Variants in PARD3B observed in about 807,000 individuals in gnomAD.
PARD3B encodes the protein partitioning defective 3 homolog B.
In PARD3B, 103 loss-of-function variants were observed where a neutral mutation model predicts 130.2. That is an observed-to-expected ratio of 0.79 (90% CI 0.67 to 0.93). The LOEUF (loss-of-function observed/expected upper bound fraction) is 0.93, where lower values mean the gene tolerates loss of function less well. Among genes scored for constraint, PARD3B ranks in the 40% least tolerant of loss-of-function variants. The probability of loss-of-function intolerance (pLI) is 0.00; values close to 1 mark genes in which losing one functional copy is unlikely to be tolerated. For missense variants in PARD3B, 1,609 were observed against 1,499.2 expected (o/e 1.07, Z -1.21); for synonymous variants, 583 against 553.2 (o/e 1.05, Z -0.76).
chr2:205,012,051 A>G (rs78414211), intron 3 of PARD3B, among the ~76,000 whole-genome samples: 7,101 of 152,032 alleles, frequency 0.047, 219 homozygotes, highest in Middle Eastern at 0.14. Context: ...GCTTTCCCCA[A>G]TTCCTGAGCT....
At chr2:205,245,919 GA>G in intron 16 of PARD3B, 97 bp downstream of exon 16, 1 of 1,010,212 alleles carries the variant, frequency 9.9e-7, no homozygotes, top group Non-Finnish European at 1.6e-6. Flanking sequence ...ACTAGTCACT[GA>G]AAGGCTTTCT....
In PARD3B at chr2:205,541,347, G is replaced by GTTT. The variant is rs34760169; in HGVS notation, c.3181-11961_3181-11959dup. ...GAGTTTTAATGCTCACAGAAACTTT[G>GTTT]TTTTTTTTTTTTTTTTTTGAGACAG... is the stretch of plus-strand genomic sequence containing the variant. On this transcript the variant is annotated intron_variant, in intron 21 of 22. Transcript: ENST00000406610. 1.4e-3 allele frequency among the ~76,000 whole-genome samples: 177 copies of GTTT among 122,184 alleles called. 1 individual carries two copies. Among genetic ancestry groups the GTTT allele is most frequent in the African/African-American group, 3.5e-3 (115 of 33,116 alleles). 80.2% of individuals were successfully genotyped at this position (122,184 alleles called of 152,430 possible). A position where few individuals can be genotyped will look rare whatever the true frequency, so the allele number is the denominator to read the frequency against.
At chr2:204,565,868 A>G (rs1200340248) in intron 1 of PARD3B, among the ~76,000 whole-genome samples, 3 of 152,234 alleles carry the variant, frequency 2.0e-5, no homozygotes, top group Non-Finnish European at 4.4e-5. Flanking sequence ...TGACCACTGT[A>G]CTTCAGTATG....
chr2:205,528,931 G>A (rs1044270653), intron 21 of PARD3B, among the ~76,000 whole-genome samples: 2 of 152,092 alleles, frequency 1.3e-5, no homozygotes, highest in African/African-American at 4.8e-5. Flanking sequence ...TATAGGGTGA[G>A]TACCTCATTT....
At chr2:204,596,018 C>T (rs1337633024) in intron 1 of PARD3B, among the ~76,000 whole-genome samples, 1 of 152,164 alleles carries the variant, frequency 6.6e-6, no homozygotes, top group Non-Finnish European at 1.5e-5. Context: ...TTGCTGACTG[C>T]TGGGTGTAAA....
chr2:205,442,354 A>G (rs910854340), intron 20 of PARD3B, among the ~76,000 whole-genome samples: 2 of 127,346 alleles, frequency 1.6e-5, no homozygotes, highest in Admixed American at 1.0e-4. Flanking sequence ...GCTGGAGTGC[A>G]GTGGTACGAT....
At chr2:204,548,214 T>G (rs2125039078) in intron 1 of PARD3B, among the ~76,000 whole-genome samples, 1 of 152,344 alleles carries the variant, frequency 6.6e-6, no homozygotes. Context: ...TTTATTCATT[T>G]TTTTTAAATG....
intron 1 of PARD3B, among the ~76,000 whole-genome samples, chr2:204,611,232 G>A (rs1303252630): frequency 6.6e-6 from 1 of 152,206 alleles, no homozygotes; most frequent in Non-Finnish European, 1.5e-5. Context: ...GAAGCAGCTA[G>A]TGTCATTCCG....
chr2:205,027,547 G>T (rs1004466028), intron 3 of PARD3B, among the ~76,000 whole-genome samples: 1 of 151,202 alleles, frequency 6.6e-6, no homozygotes, highest in Non-Finnish European at 1.5e-5. Flanking sequence ...TTCCTTTGCT[G>T]TGCAGAAGCT....
At chr2:205,514,420 T>TATC (rs549321215) in intron 21 of PARD3B, among the ~76,000 whole-genome samples, 1 of 152,296 alleles carries the variant, frequency 6.6e-6, no homozygotes, top group African/African-American at 2.4e-5. Flanking sequence ...TTAAGTTTCA[T>TATC]ATCTGCTTAT....
At chr2:204,548,820 C>T (rs1025736682) in intron 1 of PARD3B, among the ~76,000 whole-genome samples, 7 of 152,082 alleles carry the variant, frequency 4.6e-5, no homozygotes, top group African/African-American at 1.7e-4. Context: ...AGTCTAACTA[C>T]AAATGGGAAA....
chr2:204,805,260 G>C (rs184144860), intron 2 of PARD3B, among the ~76,000 whole-genome samples: 1 of 152,068 alleles, frequency 6.6e-6, no homozygotes, highest in Non-Finnish European at 1.5e-5. Flanking sequence ...GAAATTCAAA[G>C]GATCATTAGT....
At chr2:205,523,918 A>AATACTTCTTAT (rs2051214155) in intron 21 of PARD3B, among the ~76,000 whole-genome samples, 1 of 151,614 alleles carries the variant, frequency 6.6e-6, no homozygotes, top group African/African-American at 2.4e-5. Flanking sequence ...TATAAATCTA[A>AATACTTCTTAT]ATACTTCTTA....
chr2:204,695,207 T>C (rs981215523), intron 2 of PARD3B, among the ~76,000 whole-genome samples: 1 of 152,022 alleles, frequency 6.6e-6, no homozygotes, highest in African/African-American at 2.4e-5. Context: ...TAGCTTCTTT[T>C]GAAGCTATTT....
At chr2:205,402,117 C>T (rs1347356246) in intron 19 of PARD3B, among the ~76,000 whole-genome samples, 1 of 152,072 alleles carries the variant, frequency 6.6e-6, no homozygotes, top group Non-Finnish European at 1.5e-5. Context: ...AGTCTGTTCC[C>T]GTTGAGAAGG....
chr2:204,665,487 A>C (rs1008769452), intron 1 of PARD3B, among the ~76,000 whole-genome samples: 2 of 152,164 alleles, frequency 1.3e-5, no homozygotes, highest in Non-Finnish European at 2.9e-5. Context: ...GAAAAATTCC[A>C]GCCATTCCAA....
chr2:205,472,175 A>C (rs1364696158), intron 20 of PARD3B, among the ~76,000 whole-genome samples: 1 of 152,202 alleles, frequency 6.6e-6, no homozygotes, highest in Non-Finnish European at 1.5e-5. Context: ...AGGATGCATA[A>C]AACCGTATAC....
chr2:204,738,477 A>G (rs2039854132), intron 2 of PARD3B, among the ~76,000 whole-genome samples: 1 of 152,108 alleles, frequency 6.6e-6, no homozygotes, highest in South Asian at 2.1e-4. Context: ...TATTAGCTTT[A>G]TATTTTTGCG....
At chr2:205,051,790 A>G (rs1340251113) in intron 4 of PARD3B, among the ~76,000 whole-genome samples, 2 of 152,216 alleles carry the variant, frequency 1.3e-5, no homozygotes, top group African/African-American at 4.8e-5. Flanking sequence ...TTCAAATTCT[A>G]TGTATATTGA....
Sources: allele counts gnomAD v4.1 joint callset (sites outside exome capture counted in the v4.1 genomes callset), GRCh38; gene constraint gnomAD v4.1.1; transcripts MANE v1.5; gene names NCBI Gene and HGNC (gene_info 2026-07-23, HGNC 2026-07-21).